GNPAT: variants seen among roughly 807,000 people sequenced by gnomAD.
GNPAT encodes the protein glyceronephosphate O-acyltransferase.
In GNPAT, 30 loss-of-function variants were observed where a neutral mutation model predicts 78.4. The ratio of observed to expected loss-of-function variants is 0.38; its 90% confidence interval spans 0.29 to 0.52. The LOEUF is 0.52. Ranked by LOEUF, GNPAT falls within the 20% of genes least tolerant of loss-of-function variation. The probability of loss-of-function intolerance (pLI) is 0.84; values close to 1 mark genes in which losing one functional copy is unlikely to be tolerated. For synonymous variants in GNPAT, 271 were observed against 281.1 expected, an observed-to-expected ratio of 0.96 and a Z score of 0.36; for missense variants, 714 against 812.2, an observed-to-expected ratio of 0.88 and a Z score of 1.47.
Position 231,275,307 on chromosome 1 carries a change from G to C in GNPAT, c.1830G>C (p.Gln610His). Residue 610 changes from glutamine to histidine, a missense_variant, in exon 13 of 16, where the codon CAG becomes CAC. Gln to His is a conservative substitution (Grantham distance 24, BLOSUM62 0). Coordinates refer to ENST00000366647, the MANE Select transcript of GNPAT (RefSeq NM_014236.4). Reference protein sequence around the residue: ...YLAAVRKFTSQLLDQGTSQCY... With the variant: ...YLAAVRKFTSHLLDQGTSQCY... ...CTGCAGTCAGAAAATTCACAAGTCAGCTTCTCGATCAAGGTCAGTCACTGC... is the reference window on the plus strand; with the variant it reads ...CTGCAGTCAGAAAATTCACAAGTCACCTTCTCGATCAAGGTCAGTCACTGC... 4 of 1,611,322 alleles carry C rather than the reference G, an allele frequency of 2.5e-6. No individual in the cohort carries two copies. The highest frequency in any genetic ancestry group is 1.3e-5 in the African/African-American group (1 of 75,012).
intron 2 of GNPAT, among the ~76,000 whole-genome samples, chr1:231,252,076 G>A (rs1433256198): frequency 2.0e-5 from 3 of 152,198 alleles, no homozygotes; most frequent in Non-Finnish European, 4.4e-5. Flanking sequence ...ATGTTGAAAG[G>A]TTTCAAGATA....
In GNPAT at chr1:231,277,562, G is replaced by A. The variant is rs766298247; in HGVS notation, c.*20G>A. On this transcript the variant is annotated 3_prime_UTR_variant, in exon 16 of 16. Coordinates refer to ENST00000366647, the MANE Select transcript of GNPAT (RefSeq NM_014236.4). ...CTTTAATAATCAACAAATAGTTATG[G>A]AAAATTCGGTCACGTAATTACTCTC... is the stretch of plus-strand genomic sequence containing the variant. The A allele has an allele frequency of 2.0e-6, 3 of 1,494,240 alleles. No homozygotes were observed. Among genetic ancestry groups the A allele is most frequent in the Non-Finnish European group, 2.8e-6 (3 of 1,070,762 alleles). The allele number at this position is 1,494,240 out of a possible 1,614,324, so 92.6% of individuals were successfully genotyped here.
intron 12 of GNPAT, 115 bp downstream of exon 12, chr1:231,274,177 A>G: frequency 1.1e-6 from 1 of 895,892 alleles, no homozygotes; most frequent in Admixed American, 1.7e-5. Context: ...GGCAAATGGA[A>G]GAAGGAGAGA....
At chr1:231,272,029 G>A (rs1685582474) in intron 10 of GNPAT, among the ~76,000 whole-genome samples, 1 of 152,202 alleles carries the variant, frequency 6.6e-6, no homozygotes, top group Admixed American at 6.5e-5. Context: ...GACCCCAGGA[G>A]GCGGAGGTTG....
intron 2 of GNPAT, among the ~76,000 whole-genome samples, chr1:231,258,898 A>T (rs2102811315): frequency 6.6e-6 from 1 of 151,922 alleles, no homozygotes; most frequent in South Asian, 2.1e-4. Flanking sequence ...CGGCCTCCCA[A>T]AGTGCTGGGA....
intron 2 of GNPAT, among the ~76,000 whole-genome samples, chr1:231,259,220 T>C (rs1016183458): frequency 6.6e-6 from 1 of 151,462 alleles, no homozygotes; most frequent in Non-Finnish European, 1.5e-5. Flanking sequence ...GGAACACAGG[T>C]AAGAGGAAAG....
chr1:231,252,413 A>G (rs1684921992), intron 2 of GNPAT, among the ~76,000 whole-genome samples: 1 of 152,166 alleles, frequency 6.6e-6, no homozygotes, highest in Admixed American at 6.5e-5. Flanking sequence ...AAGACATCAA[A>G]ATGAAGGTAT....
rs1180485969 is a variant in GNPAT, at chr1:231,250,983, A to G, written c.101A>G (p.Glu34Gly). Residue 34 changes from glutamate to glycine, a missense_variant, in exon 2 of 16, where the codon GAG (glutamate) becomes GGG (glycine). Physicochemically the swap from Glu to Gly is moderately conservative, Grantham distance 98. Coordinates refer to ENST00000366647, the MANE Select transcript of GNPAT (RefSeq NM_014236.4). ...CAGAAGGAGCTCAAAAAGTGGGATG[A>G]GTTTGAAGATATTTTAGAAGAGAGG... ...LYSKELKKWDEFEDILEERRH... is the reference protein window; with the variant it reads ...LYSKELKKWDGFEDILEERRH... 6.2e-7 allele frequency: 1 copy of G among 1,611,440 alleles called. No individual in the cohort carries two copies. Among genetic ancestry groups the G allele is most frequent in the Non-Finnish European group, 8.5e-7 (1 of 1,177,880 alleles).
chr1:231,257,232 T>C (rs1195722076), intron 2 of GNPAT, among the ~76,000 whole-genome samples: 1 of 152,222 alleles, frequency 6.6e-6, no homozygotes, highest in Non-Finnish European at 1.5e-5. Context: ...TGTCAGCCCT[T>C]TCCACTGGCT....
chr1:231,254,148 T>A (rs1684977319), intron 2 of GNPAT, among the ~76,000 whole-genome samples: 1 of 152,156 alleles, frequency 6.6e-6, no homozygotes, highest in South Asian at 2.1e-4. Flanking sequence ...ATAATTCTAA[T>A]GCACACCCAG....
rs557829924 is a variant in GNPAT, at chr1:231,255,238, C to G, written c.261+4095C>G. On this transcript the variant is annotated intron_variant, in intron 2 of 15. Coordinates refer to ENST00000366647, the MANE Select transcript of GNPAT (RefSeq NM_014236.4). ...CCACCCTCTCCCTCATCCTCAGGAA[C>G]TTTGCTCTCCTGACTATCCCTTCTT... is the stretch of plus-strand genomic sequence containing the variant. 2.6e-5 allele frequency among the ~76,000 whole-genome samples: 4 copies of G among 152,232 alleles called. No individual in the cohort carries two copies. In the South Asian group the frequency reaches 8.3e-4, roughly 32 times the overall value.
At chr1:231,269,640 G>C (rs1685498127) in intron 9 of GNPAT, among the ~76,000 whole-genome samples, 1 of 152,170 alleles carries the variant, frequency 6.6e-6, no homozygotes, top group African/African-American at 2.4e-5. Flanking sequence ...GGCAAAGGAT[G>C]TGTTAATTAT....
Position 231,277,633 on chromosome 1 carries a change from C to T in GNPAT, c.*91C>T, listed in dbSNP as rs1344152941. 7.5e-6 allele frequency: 6 copies of T among 802,778 alleles called. No individual in the cohort carries two copies. Among genetic ancestry groups the T allele is most frequent in the African/African-American group, 1.7e-5 (1 of 59,490 alleles). 49.7% of individuals were successfully genotyped at this position (802,778 alleles called of 1,614,324 possible). ...AAACAGGGAAGTAAAGGAAGAGACA[C>T]ATCCTCTCATACTCCCTGAGACTCT... On this transcript the variant is annotated 3_prime_UTR_variant, in exon 16 of 16. Coordinates refer to ENST00000366647, the MANE Select transcript of GNPAT (RefSeq NM_014236.4).
intron 1 of GNPAT, 118 bp downstream of exon 1, chr1:231,241,574 C>A: frequency 2.6e-6 from 2 of 779,618 alleles, no homozygotes; most frequent in South Asian, 1.4e-5. Flanking sequence ...CCTAGGCTCC[C>A]GAGGAGGGGT....
chr1:231,269,053 G>T (rs1162776631), intron 9 of GNPAT, among the ~76,000 whole-genome samples: 1 of 145,708 alleles, frequency 6.9e-6, no homozygotes, highest in East Asian at 2.2e-4. Flanking sequence ...GGGATATGAA[G>T]ATGAACAAGA....
At chr1:231,268,493 A>G (rs1021636465) in intron 9 of GNPAT, among the ~76,000 whole-genome samples, 1 of 151,838 alleles carries the variant, frequency 6.6e-6, no homozygotes, top group Admixed American at 6.6e-5. Flanking sequence ...CATGAATCCT[A>G]GCCAGGCATG....
Position 231,241,285 on chromosome 1 carries a change from T to G in GNPAT, c.-94T>G. On this transcript the variant is annotated 5_prime_UTR_variant, in exon 1 of 16. Coordinates refer to ENST00000366647, the MANE Select transcript of GNPAT (RefSeq NM_014236.4). The stretch of plus-strand genomic sequence containing the variant: ...GAGGGTGCCGCCGCCCTAGGCGAAG[T>G]AGGGCCGTCCTGAGCGAAAGAACCG... 1 of 1,406,654 alleles carries G rather than the reference T, an allele frequency of 7.1e-7. No individual in the cohort carries two copies. The highest frequency in any genetic ancestry group is 1.1e-5 in the South Asian group (1 of 86,996). The allele number at this position is 1,406,654 out of a possible 1,614,324, so 87.1% of individuals were successfully genotyped here. A position where few individuals can be genotyped will look rare whatever the true frequency, so the allele number is the denominator to read the frequency against.
At chr1:231,258,081 C>T (rs901499066) in intron 2 of GNPAT, 1 of 152,700 alleles carries the variant, frequency 6.5e-6, no homozygotes, top group Non-Finnish European at 1.5e-5. Context: ...ATTCATCCCT[C>T]TTACCAGTCC....
intron 1 of GNPAT, among the ~76,000 whole-genome samples, chr1:231,245,475 G>T (rs143658736): frequency 0.011 from 1,647 of 151,942 alleles, 19 homozygotes; most frequent in Non-Finnish European, 0.018. Flanking sequence ...TCAAACTTCT[G>T]GTCTCAAACG....
Sources: gnomAD v4.1 joint callset for allele counts (sites outside exome capture counted in the v4.1 genomes callset) on GRCh38, gnomAD v4.1.1 for gene constraint, MANE v1.5 for transcripts, NCBI Gene and HGNC (gene_info 2026-07-23, HGNC 2026-07-21) for gene names.